Variants in CENPP observed in about 807,000 individuals in gnomAD.
CENPP encodes the protein centromere protein P.
Under a neutral mutation model 35.6 loss-of-function variants are expected in CENPP, and 24 were observed. The ratio of observed to expected loss-of-function variants is 0.67; its 90% CI spans 0.49 to 0.95. The LOEUF (loss-of-function observed/expected upper bound fraction) is 0.95, where lower values mean the gene tolerates loss of function less well. Ranked by LOEUF, CENPP falls within the 40% of genes least tolerant of loss-of-function variation. The probability of loss-of-function intolerance (pLI) is 0.00; values close to 1 mark genes in which losing one functional copy is unlikely to be tolerated. For synonymous variants in CENPP, 120 were observed against 125.5 expected (o/e 0.96, Z 0.29); for missense variants, 332 against 345.3 (o/e 0.96, Z 0.31).
intron 5 of CENPP, among the ~76,000 whole-genome samples, chr9:92,553,417 G>T (rs1437258100): frequency 6.6e-6 from 1 of 152,076 alleles, no homozygotes; most frequent in Non-Finnish European, 1.5e-5. Context: ...ATGAATTTTA[G>T]AATTGTTTTT....
intron 3 of CENPP, among the ~76,000 whole-genome samples, chr9:92,342,835 G>A (rs1010739026): frequency 1.3e-5 from 2 of 152,188 alleles, no homozygotes; most frequent in Non-Finnish European, 2.9e-5. Flanking sequence ...ACTTGTGTAT[G>A]TATGCCTTTA....
intron 5 of CENPP, among the ~76,000 whole-genome samples, chr9:92,526,614 G>T (rs1215102086): frequency 6.7e-6 from 1 of 150,086 alleles, no homozygotes; most frequent in Non-Finnish European, 1.5e-5. Flanking sequence ...TAGAAAAGAG[G>T]AATGAAATGA....
intron 4 of CENPP, among the ~76,000 whole-genome samples, chr9:92,360,332 A>G (rs1841713447): frequency 6.6e-6 from 1 of 152,168 alleles, no homozygotes; most frequent in Non-Finnish European, 1.5e-5. Context: ...CATGTGAATT[A>G]TATTCACATG....
intron 5 of CENPP, among the ~76,000 whole-genome samples, chr9:92,491,001 C>G (rs189433532): frequency 9.3e-4 from 142 of 152,172 alleles, no homozygotes; most frequent in Admixed American, 4.6e-3. Flanking sequence ...CCAGTTTTGA[C>G]TGGGAGATAA....
intron 5 of CENPP, among the ~76,000 whole-genome samples, chr9:92,516,064 C>CT (rs869200958): frequency 3.4e-5 from 5 of 148,756 alleles, no homozygotes; most frequent in Non-Finnish European, 6.0e-5. Context: ...ACAGTGCATA[C>CT]TTTTTTTTCC....
chr9:92,403,540 G>T, intron 5 of CENPP: 1 of 1,399,112 alleles, frequency 7.1e-7, no homozygotes, highest in Non-Finnish European at 9.3e-7. Flanking sequence ...GGATGTTTTG[G>T]CAGGGTGTGC....
chr9:92,599,109 CTG>C (rs1165882261), intron 5 of CENPP, among the ~76,000 whole-genome samples: 2 of 149,988 alleles, frequency 1.3e-5, no homozygotes, highest in South Asian at 2.1e-4. Flanking sequence ...GAGTAAGACT[CTG>C]TGTCAAAAAA....
intron 5 of CENPP, among the ~76,000 whole-genome samples, chr9:92,388,607 A>G (rs986346870): frequency 1.8e-3 from 271 of 151,756 alleles, no homozygotes; most frequent in African/African-American, 6.0e-3. Context: ...TTGGGAGGCC[A>G]AAGTGGGCGG....
intron 4 of CENPP, among the ~76,000 whole-genome samples, chr9:92,359,460 C>T (rs2130830023): frequency 6.6e-6 from 1 of 152,092 alleles, no homozygotes; most frequent in Middle Eastern, 3.4e-3. Context: ...GAGGTATAAA[C>T]TTAAGGTCTT....
At position 92,558,045 on chromosome 9, in the gene CENPP, G is replaced by T. The variant is rs112001620; in HGVS notation, c.565-53269G>T. Among the ~76,000 whole-genome samples, 17 of 152,128 alleles carry T rather than the reference G, an allele frequency of 1.1e-4. No homozygotes were observed. In the East Asian group the frequency reaches 3.1e-3, roughly 28 times the overall value. ...TTGAATATTTCTCCCTTCACTTCTTGTATCATTTTTTTGGATTTCCTTGCT... is the reference window on the plus strand; with the variant it reads ...TTGAATATTTCTCCCTTCACTTCTTTTATCATTTTTTTGGATTTCCTTGCT... On this transcript the variant is annotated intron_variant, in intron 5 of 7. Transcript: ENST00000375587.
intron 5 of CENPP, among the ~76,000 whole-genome samples, chr9:92,546,758 A>G (rs752240768): frequency 6.6e-6 from 1 of 152,234 alleles, no homozygotes; most frequent in Non-Finnish European, 1.5e-5. Flanking sequence ...ATTTTATGCT[A>G]GTAAATTGAT....
At position 92,590,295 on chromosome 9, in the gene CENPP, C is replaced by G. The variant is rs1205368841; in HGVS notation, c.565-21019C>G. On this transcript the variant is annotated intron_variant, in intron 5 of 7. Coordinates refer to ENST00000375587, the MANE Select transcript of CENPP (RefSeq NM_001012267.3). Reference sequence around the variant, plus strand: ...CAATGCATTCTCTTGCTTTATAAGACACTATAAAACACATCTGGTTAGCAT... The same window carrying G: ...CAATGCATTCTCTTGCTTTATAAGAGACTATAAAACACATCTGGTTAGCAT... Among the ~76,000 whole-genome samples the G allele has an allele frequency of 2.6e-5, 4 of 152,138 alleles. 1 individual carries two copies. Among genetic ancestry groups the G allele is most frequent in the African/African-American group, 9.7e-5 (4 of 41,402 alleles).
At position 92,619,449 on chromosome 9, in the gene CENPP, T is replaced by TAGACCCAGGCTGCATGCCTTGC. The variant is rs1337562763; in HGVS notation, c.*6303_*6324dup. ...TCACCAACTGTCCATAAAACCCCGT[T>TAGACCCAGGCTGCATGCCTTGC]AGACCCAGGCTGCATGCCTTGCAGT... On this transcript the variant is annotated 3_prime_UTR_variant, in exon 8 of 8. Coordinates refer to ENST00000375587, the MANE Select transcript of CENPP (RefSeq NM_001012267.3). 2 of 1,522,644 alleles carry TAGACCCAGGCTGCATGCCTTGC rather than the reference T, an allele frequency of 1.3e-6. No homozygotes were observed. The highest frequency in any genetic ancestry group is 1.8e-6 in the Non-Finnish European group (2 of 1,117,130). The allele number at this position is 1,522,644 out of a possible 1,614,324, so 94.3% of individuals were successfully genotyped here.
intron 5 of CENPP, chr9:92,385,576 A>G (rs778167351): frequency 3.9e-6 from 6 of 1,531,752 alleles, no homozygotes; most frequent in East Asian, 2.2e-5. Flanking sequence ...GAGACAGACT[A>G]TTAGTGTAGG....
At chr9:92,353,250 T>C (rs1228018310) in intron 4 of CENPP, among the ~76,000 whole-genome samples, 1 of 152,244 alleles carries the variant, frequency 6.6e-6, no homozygotes, top group Non-Finnish European at 1.5e-5. Flanking sequence ...AGTCCCCGTT[T>C]CTGCAGCTGG....
intron 5 of CENPP, among the ~76,000 whole-genome samples, chr9:92,552,012 A>ATG (rs1849613451): frequency 1.4e-5 from 2 of 145,692 alleles, no homozygotes; most frequent in African/African-American, 2.5e-5. Context: ...GTGTATATAT[A>ATG]TGATATGATA....
In CENPP at chr9:92,612,921, G is replaced by T; in HGVS notation, c.737-98G>T. ...TCCCATCCCATGCAGCTAGTCGGGA[G>T]GAGTGCGGGGTCTTGGTGAGGTCCA... On this transcript the variant is annotated intron_variant, in intron 7 of 7. Transcript: ENST00000375587. 5.0e-6 allele frequency: 7 copies of T among 1,400,954 alleles called. No individual in the cohort carries two copies. In the South Asian group the frequency reaches 8.7e-5, roughly 17 times the overall value. 86.8% of individuals were successfully genotyped at this position (1,400,954 alleles called of 1,614,324 possible).
intron 5 of CENPP, among the ~76,000 whole-genome samples, chr9:92,558,467 C>T (rs1849774769): frequency 6.6e-6 from 1 of 152,166 alleles, no homozygotes; most frequent in Non-Finnish European, 1.5e-5. Context: ...CTGGGGTTGT[C>T]TGTACAGAGT....
At chr9:92,466,765 A>G (rs13301537) in intron 5 of CENPP, among the ~76,000 whole-genome samples, 56,121 of 152,050 alleles carry the variant, frequency 0.37, 12,653 homozygotes, top group African/African-American at 0.63. Flanking sequence ...GTGCAGAGCT[A>G]TAATAATTAA....
Sources: gnomAD v4.1 joint callset for allele counts (sites outside exome capture counted in the v4.1 genomes callset) on GRCh38, gnomAD v4.1.1 for gene constraint, MANE v1.5 for transcripts, NCBI Gene and HGNC (gene_info 2026-07-23, HGNC 2026-07-21) for gene names.